SORBS2: variants seen among roughly 807,000 people sequenced by gnomAD.
SORBS2 encodes sorbin and SH3 domain-containing protein 2.
A neutral mutation model predicts 97.7 loss-of-function variants in SORBS2; 46 were observed. The observed-to-expected ratio is 0.47, with a 90% CI of 0.37 to 0.60. The LOEUF (loss-of-function observed/expected upper bound fraction) is 0.60, where lower values mean the gene tolerates loss of function less well. SORBS2 is among the 20% of genes least tolerant of loss of function. SORBS2 has a pLI of 0.00. For synonymous variants in SORBS2, 476 were observed against 473.4 expected, an observed-to-expected ratio of 1.01 and a Z score of -0.07; for missense variants, 1,316 against 1,282.3, an observed-to-expected ratio of 1.03 and a Z score of -0.40.
chr4:185,633,263 G>GT lies in SORBS2; in HGVS notation c.397-2666dup, dbSNP rs566106663. Among the ~76,000 whole-genome samples the GT allele has an allele frequency of 5.3e-5, 8 of 152,174 alleles. No individual in the cohort carries two copies. The South Asian group carries it at 1.7e-3, about 32-fold the overall frequency. On this transcript the variant is annotated intron_variant, in intron 4 of 14. Coordinates refer to ENST00000418609, the Ensembl canonical transcript of SORBS2. ...AGGTAATGTCTAATCAATTACATTT[G>GT]TTTTTACCAGAAATGTTTAATAACA...
intron 3 of SORBS2, 135 bp downstream of exon 12, chr4:185,649,332 T>C: frequency 6.2e-6 from 4 of 640,752 alleles, no homozygotes. Context: ...GAGGTCAATA[T>C]GGTATATGTA....
chr4:185,736,126 C>A (rs907860408), intron 2 of SORBS2, among the ~76,000 whole-genome samples: 1 of 152,198 alleles, frequency 6.6e-6, no homozygotes, highest in Admixed American at 6.5e-5. Context: ...TGCCGCAGCG[C>A]GAGGGACCCT....
rs953458183 is a variant in SORBS2, at chr4:185,623,001, C to T, written c.2128G>A (p.Gly710Arg). Residue 710 changes from glycine to arginine, a missense_variant, in exon 7 of 15, where the codon GGG (glycine) becomes AGG (arginine). Transcript: ENST00000418609. The surrounding 1 kb of genome is among the most constrained non-coding windows in gnomAD (Gnocchi z 6.4). ...AAAGAGGCACTGCGGGGCATTCTCC[C>T]GCAGTCATTCTGGTAGGGTGGACAA... The T allele has an allele frequency of 6.2e-6, 10 of 1,613,930 alleles. No individual in the cohort carries two copies. Among genetic ancestry groups the T allele is most frequent in the Middle Eastern group, 1.6e-4 (1 of 6,084 alleles).
At chr4:185,669,728 T>C (rs1235458522) in intron 4 of SORBS2, among the ~76,000 whole-genome samples, 24 of 152,106 alleles carry the variant, frequency 1.6e-4, no homozygotes, top group Admixed American at 6.5e-5. Flanking sequence ...AAAATATAAA[T>C]GAAGACCAGC....
At chr4:185,785,433 T>C (rs1010319465) in intron 1 of SORBS2, among the ~76,000 whole-genome samples, 13 of 152,226 alleles carry the variant, frequency 8.5e-5, no homozygotes, top group Non-Finnish European at 1.9e-4. Context: ...AAGAAATGAA[T>C]ATAAATCATA....
At chr4:185,651,322 G>C (rs1319379381) in intron 2 of SORBS2, among the ~76,000 whole-genome samples, 2 of 152,244 alleles carry the variant, frequency 1.3e-5, no homozygotes, top group African/African-American at 2.4e-5. Flanking sequence ...GCCCCGCCAA[G>C]GGGGATTTTT....
At chr4:185,670,468 T>G (rs1304127852) in intron 4 of SORBS2, among the ~76,000 whole-genome samples, 1 of 152,152 alleles carries the variant, frequency 6.6e-6, no homozygotes, top group East Asian at 1.9e-4. Flanking sequence ...TTAACACCTT[T>G]AGTCATTGAG....
At chr4:185,768,222 G>A (rs573332736) in intron 2 of SORBS2, among the ~76,000 whole-genome samples, 5 of 152,228 alleles carry the variant, frequency 3.3e-5, no homozygotes, top group South Asian at 2.1e-4. Context: ...CACACAGTAC[G>A]TACAAGGCTT....
At chr4:185,613,333 G>A (rs980236660) in intron 11 of SORBS2, among the ~76,000 whole-genome samples, 1 of 152,088 alleles carries the variant, frequency 6.6e-6, no homozygotes, top group Non-Finnish European at 1.5e-5. Flanking sequence ...CTTCACCACC[G>A]CTGAGCAGAA....
At chr4:185,898,944 T>C (rs1307267241) in intron 1 of SORBS2, among the ~76,000 whole-genome samples, 1 of 152,184 alleles carries the variant, frequency 6.6e-6, no homozygotes, top group Non-Finnish European at 1.5e-5. Context: ...GGGATGTTAA[T>C]GGAACTACAC....
intron 1 of SORBS2, among the ~76,000 whole-genome samples, chr4:185,874,064 A>G (rs1176178635): frequency 1.3e-5 from 2 of 152,188 alleles, no homozygotes; most frequent in Non-Finnish European, 2.9e-5. Context: ...ATTCTGAAGT[A>G]GTCTTAGACA....
At chr4:185,945,343 A>C (rs1238283232) in intron 1 of SORBS2, among the ~76,000 whole-genome samples, 1 of 152,238 alleles carries the variant, frequency 6.6e-6, no homozygotes, top group African/African-American at 2.4e-5. Flanking sequence ...GGACAGCATT[A>C]TCAACAAATA....
At chr4:185,646,436 T>TAC (rs1280632192) in intron 4 of SORBS2, 41 of 318,808 alleles carry the variant, frequency 1.3e-4, no homozygotes, top group African/African-American at 9.1e-4. Flanking sequence ...TATATATAAA[T>TAC]ACACACACAT....
intron 1 of SORBS2, among the ~76,000 whole-genome samples, chr4:185,886,394 A>G (rs2099239500): frequency 6.6e-6 from 1 of 151,940 alleles, no homozygotes; most frequent in Non-Finnish European, 1.5e-5. Flanking sequence ...TCTCTACTAA[A>G]AATACAAAAA....
At chr4:185,893,106 G>A (rs1196760964) in intron 1 of SORBS2, among the ~76,000 whole-genome samples, 1 of 152,214 alleles carries the variant, frequency 6.6e-6, no homozygotes, top group Non-Finnish European at 1.5e-5. Context: ...AGCTGTGGAG[G>A]AGAAGGAAGA....
intron 2 of SORBS2, chr4:185,651,793 A>G (rs553291125): frequency 1.3e-6 from 2 of 1,505,954 alleles, no homozygotes; most frequent in Non-Finnish European, 1.8e-6. Context: ...CCTGCATTGT[A>G]TGTATAAGGA....
At chr4:185,626,132 T>G (rs2096807210) in intron 6 of SORBS2, among the ~76,000 whole-genome samples, 1 of 150,118 alleles carries the variant, frequency 6.7e-6, no homozygotes, top group African/African-American at 2.5e-5. Flanking sequence ...CCAGAAGGAG[T>G]GACTTCTTTC....
chr4:185,630,702 T>A, intron 4 of SORBS2, 104 bp from the exon 17 acceptor site: 1 of 674,270 alleles, frequency 1.5e-6, no homozygotes, highest in Non-Finnish European at 2.6e-6. Context: ...TTATAAAAAT[T>A]GAGGTTGAAA....
chr4:185,766,893 T>C (rs1312398082), intron 2 of SORBS2, among the ~76,000 whole-genome samples: 3 of 152,232 alleles, frequency 2.0e-5, no homozygotes, highest in Non-Finnish European at 2.9e-5. Flanking sequence ...TCTTTTTTTT[T>C]CAGGCATAAA....
Sources: gnomAD v4.1 joint callset for allele counts (sites outside exome capture counted in the v4.1 genomes callset) on GRCh38, gnomAD v4.1.1 for gene constraint, Gnocchi (gnomAD v3.1) non-coding constraint, MANE v1.5 for transcripts, NCBI Gene and HGNC (gene_info 2026-07-23, HGNC 2026-07-21) for gene names.